ANK3: variants seen among roughly 807,000 people sequenced by gnomAD.
The protein encoded by ANK3 is ankyrin-3.
Under a neutral mutation model 370.9 loss-of-function variants are expected in ANK3, and 57 were observed. The ratio of observed to expected loss-of-function variants is 0.15; its 90% CI spans 0.12 to 0.19. The LOEUF (loss-of-function observed/expected upper bound fraction) is 0.19, where lower values mean the gene tolerates loss of function less well. Among genes scored for constraint, ANK3 ranks in the 10% least tolerant of loss-of-function variants. ANK3 has a pLI of 1.00. For missense variants in ANK3, 4,439 were observed against 5,302.1 expected (o/e 0.84, Z 5.06); for synonymous variants, 1,929 against 1,946.3 (o/e 0.99, Z 0.23).
At chr10:60,477,875 T>C (rs1199576652) in intron 2 of ANK3, among the ~76,000 whole-genome samples, 1 of 152,066 alleles carries the variant, frequency 6.6e-6, no homozygotes, top group Non-Finnish European at 1.5e-5. Context: ...AGGTTGCAAA[T>C]GAACAGATTG....
chr10:60,239,161 A>C (rs984864061), intron 7 of ANK3, among the ~76,000 whole-genome samples: 1 of 152,176 alleles, frequency 6.6e-6, no homozygotes, highest in Non-Finnish European at 1.5e-5. Context: ...GGGATGATAC[A>C]AAACAGCTAA....
intron 1 of ANK3, among the ~76,000 whole-genome samples, chr10:60,364,651 C>G (rs1416568832): frequency 2.6e-5 from 4 of 152,020 alleles, no homozygotes; most frequent in Admixed American, 6.6e-5. Context: ...AGTAACAAAC[C>G]TGCACATTCT....
At chr10:60,451,337 T>C (rs1297588159) in intron 2 of ANK3, among the ~76,000 whole-genome samples, 1 of 152,214 alleles carries the variant, frequency 6.6e-6, no homozygotes, top group Non-Finnish European at 1.5e-5. Context: ...GAAACTCATA[T>C]AGCCTTTAAA....
intron 1 of ANK3, among the ~76,000 whole-genome samples, chr10:60,618,422 G>A (rs935816944): frequency 6.6e-5 from 10 of 152,110 alleles, no homozygotes; most frequent in African/African-American, 2.4e-4. Flanking sequence ...CTATGGGAAA[G>A]CAAATTAGTA....
At position 60,246,277 on chromosome 10, in the gene ANK3, A is replaced by G. The variant is rs978024818; in HGVS notation, c.799-11491T>C. 7.3e-5 allele frequency among the ~76,000 whole-genome samples: 10 copies of G among 136,524 alleles called. 1 individual carries two copies. The highest frequency in any genetic ancestry group is 1.0e-4 in the African/African-American group (4 of 38,984). 89.6% of individuals were successfully genotyped at this position (136,524 alleles called of 152,430 possible). ...TATCAAAAAAAAAAAAAAAAAAAAAAAAAAGAAAAAAGAAAAAAAGATGAT... is the reference window on the plus strand; with the variant it reads ...TATCAAAAAAAAAAAAAAAAAAAAAGAAAAGAAAAAAGAAAAAAAGATGAT... On this transcript the variant is annotated intron_variant, in intron 7 of 43. Coordinates refer to ENST00000280772, the MANE Select transcript of ANK3 (RefSeq NM_020987.5).
exon 1 of ANK3, chr10:60,733,431 A>G: frequency 1.0e-6 from 1 of 975,680 alleles, no homozygotes; most frequent in Non-Finnish European, 1.3e-6. Context: ...GCCGCGGCTC[A>G]GGAACACCAA....
chr10:60,172,952 T>C lies in ANK3; in HGVS notation c.2330A>G (p.His777Arg). The C allele has an allele frequency of 1.2e-6, 2 of 1,614,032 alleles. No individual in the cohort carries two copies. The highest frequency in any genetic ancestry group is 1.7e-6 in the Non-Finnish European group (2 of 1,179,946). The part of the protein sequence containing the change: ...LHQAAQQGHT[H>R]IINVLLQNNA... ...GTTCTGAAGTAAGACATTTATTATA[T>C]GCGTATGCCCCTGCTGTGCTGCTTG... is the stretch of plus-strand genomic sequence containing the variant. Residue 777 changes from histidine to arginine, a missense_variant, in exon 20 of 44, where the codon CAT becomes CGT. Physicochemically the swap from His to Arg is conservative, Grantham distance 29 (BLOSUM62 0). Around this residue, in one of 13 missense-constraint regions of ANK3, gnomAD observed 702 missense variants for 941.5 expected, o/e 0.75. Coordinates refer to ENST00000280772, the MANE Select transcript of ANK3 (RefSeq NM_020987.5).
intron 1 of ANK3, among the ~76,000 whole-genome samples, chr10:60,313,071 C>T (rs371564549): frequency 6.6e-6 from 1 of 152,322 alleles, no homozygotes; most frequent in East Asian, 1.9e-4. Flanking sequence ...CAGGTGTCCT[C>T]TTCACCTTTG....
rs890926264 is a variant in ANK3 at position 60,605,582 on chromosome 10, T to C, written c.96+9604A>G. 7.2e-5 allele frequency among the ~76,000 whole-genome samples: 11 copies of C among 152,212 alleles called. No homozygotes were observed. The East Asian group carries it at 1.9e-3, about 27-fold the overall frequency. On this transcript the variant is annotated intron_variant, in intron 2 of 43. Transcript: ENST00000373827. ...GTTACAGATTTTATCCATTCATGTTTAAAGTCCAGGCCACCAAGGAACAAA... is the reference window on the plus strand; with the variant it reads ...GTTACAGATTTTATCCATTCATGTTCAAAGTCCAGGCCACCAAGGAACAAA...
At chr10:60,396,745 A>G (rs2063247903) in intron 2 of ANK3, among the ~76,000 whole-genome samples, 1 of 152,212 alleles carries the variant, frequency 6.6e-6, no homozygotes, top group South Asian at 2.1e-4. Context: ...AAGGAAATAT[A>G]ATGAAAGTAA....
intron 2 of ANK3, among the ~76,000 whole-genome samples, chr10:60,575,441 G>C (rs2077671625): frequency 6.6e-6 from 1 of 152,068 alleles, no homozygotes; most frequent in Admixed American, 6.6e-5. Context: ...TTGTGACTTT[G>C]AATAATATTT....
intron 39 of ANK3, among the ~76,000 whole-genome samples, chr10:60,063,943 C>CA (rs1322442669): frequency 5.3e-5 from 8 of 152,108 alleles, no homozygotes; most frequent in Admixed American, 6.5e-5. Flanking sequence ...ACTTGCTTTC[C>CA]AAAAAGCTTC....
intron 1 of ANK3, among the ~76,000 whole-genome samples, chr10:60,675,491 T>C (rs2079113418): frequency 6.6e-6 from 1 of 152,228 alleles, no homozygotes; most frequent in Non-Finnish European, 1.5e-5. Context: ...ATAGTATAGA[T>C]CTGTGTTTCT....
intron 2 of ANK3, among the ~76,000 whole-genome samples, chr10:60,530,898 G>T (rs1451654059): frequency 6.6e-6 from 1 of 152,038 alleles, no homozygotes; most frequent in South Asian, 2.1e-4. Context: ...CAAGAACATG[G>T]CCTTGAAGGT....
intron 1 of ANK3, among the ~76,000 whole-genome samples, chr10:60,345,943 T>A (rs144676011): frequency 4.7e-4 from 71 of 152,182 alleles, no homozygotes; most frequent in African/African-American, 1.6e-3. Flanking sequence ...TCAAAAATAA[T>A]TAAATCACTC....
At chr10:60,632,320 C>T (rs985958471) in intron 1 of ANK3, among the ~76,000 whole-genome samples, 11 of 152,046 alleles carry the variant, frequency 7.2e-5, no homozygotes, top group African/African-American at 2.7e-4. Context: ...TAAGACAACA[C>T]TTACATATAG....
intron 1 of ANK3, among the ~76,000 whole-genome samples, chr10:60,671,392 A>C (rs1335189407): frequency 1.3e-5 from 2 of 152,098 alleles, no homozygotes; most frequent in African/African-American, 4.8e-5. Context: ...TAACTCATCC[A>C]TCTGGGCTCA....
chr10:60,168,960 G>C (rs1459339984), intron 21 of ANK3, among the ~76,000 whole-genome samples: 1 of 152,154 alleles, frequency 6.6e-6, no homozygotes, highest in Non-Finnish European at 1.5e-5. Context: ...GGGCATTTGG[G>C]TTGATTTCAC....
In ANK3 at chr10:60,548,206, CTTTTTTTT is replaced by C. The variant is rs537459971; in HGVS notation, c.96+66972_96+66979del. ...TTTCAAACCCATTTTTAAATATTTC[CTTTTTTTT>C]TTTTTTTTTTTTTTTTTTTTGAGAC... On this transcript the variant is annotated intron_variant, in intron 2 of 43. Transcript: ENST00000373827. Among the ~76,000 whole-genome samples the C allele has an allele frequency of 7.4e-3, 657 of 88,366 alleles. 6 individuals carry two copies. Among genetic ancestry groups the C allele is most frequent in the African/African-American group, 0.024 (545 of 23,102 alleles). The allele number at this position is 88,366 out of a possible 152,430, so 58.0% of individuals were successfully genotyped here.
Sources: gnomAD v4.1 joint callset for allele counts (sites outside exome capture counted in the v4.1 genomes callset) on GRCh38, gnomAD v4.1.1 for gene constraint, gnomAD v4.1.1 regional missense constraint, MANE v1.5 for transcripts, NCBI Gene and HGNC (gene_info 2026-07-23, HGNC 2026-07-21) for gene names.